SLC8B1: variants seen among roughly 807,000 people sequenced by gnomAD.
SLC8B1 encodes mitochondrial sodium/calcium exchanger protein.
SLC8B1 carries 52 observed loss-of-function variants against 63.4 expected under a neutral mutation model. The ratio of observed to expected loss-of-function variants is 0.82; its 90% CI spans 0.66 to 1.03. The LOEUF (loss-of-function observed/expected upper bound fraction) is 1.03, where lower values mean the gene tolerates loss of function less well. Ranked by LOEUF, SLC8B1 falls within the 50% of genes least tolerant of loss-of-function variation. The pLI is 0.00. For synonymous variants in SLC8B1, 336 were observed against 323.9 expected, an observed-to-expected ratio of 1.04 and a Z score of -0.40; for missense variants, 657 against 741.7, an observed-to-expected ratio of 0.89 and a Z score of 1.33.
At chr12:113,333,502 T>C (rs1449779600) in intron 1 of SLC8B1, among the ~76,000 whole-genome samples, 1 of 152,240 alleles carries the variant, frequency 6.6e-6, no homozygotes. Flanking sequence ...GACCTCATTC[T>C]ATCCTCACGA....
chr12:113,307,922 G>A (rs1387287366), intron 12 of SLC8B1, 78 bp from the exon 13 acceptor site: 5 of 1,530,916 alleles, frequency 3.3e-6, no homozygotes, highest in African/African-American at 2.7e-5. Context: ...CCTGTGAAAC[G>A]GGATGATAAC....
chr12:113,319,688 A>C (rs956428071), intron 7 of SLC8B1, among the ~76,000 whole-genome samples: 6 of 151,774 alleles, frequency 4.0e-5, no homozygotes, highest in African/African-American at 1.5e-4. Context: ...TTGTCCCTCC[A>C]TTCATACCCC....
chr12:113,306,418 C>CT, intron 14 of SLC8B1, 77 bp downstream of exon 14: 2 of 1,265,430 alleles, frequency 1.6e-6, no homozygotes, highest in Non-Finnish European at 2.2e-6. Flanking sequence ...AACCAATCCC[C>CT]AGGGTGGGGC....
chr12:113,306,411 C>A, intron 14 of SLC8B1, 84 bp downstream of exon 14: 4 of 1,220,446 alleles, frequency 3.3e-6, no homozygotes, highest in Non-Finnish European at 4.5e-6. Context: ...CACCGAGAAC[C>A]AATCCCCAGG....
chr12:113,306,066 C>CAAAAAAAAAAAAAAAAAA lies in SLC8B1; in HGVS notation c.1492+411_1492+428dup, dbSNP rs60824560. Among the ~76,000 whole-genome samples the CAAAAAAAAAAAAAAAAAA allele has an allele frequency of 2.2e-3, 39 of 18,100 alleles. 3 individuals carry two copies. The highest frequency in any genetic ancestry group is 3.8e-3 in the Non-Finnish European group (31 of 8,180). The allele number at this position is 18,100 out of a possible 152,430, so 11.9% of individuals were successfully genotyped here. On this transcript the variant is annotated intron_variant, in intron 14 of 15. Transcript: ENST00000680972. Reference sequence around the variant, plus strand: ...CGAGCCAGACTCCGTCCCCACCCTGCAAAAAAAAAAAAAAAAAAAAAAAAA... The same window carrying CAAAAAAAAAAAAAAAAAA: ...CGAGCCAGACTCCGTCCCCACCCTGCAAAAAAAAAAAAAAAAAAAAAAAAAAAAAAAAAAAAAAAAAAA...
chr12:113,318,944 G>A lies in SLC8B1; in HGVS notation c.802+20C>T. On this transcript the variant is annotated intron_variant, in intron 8 of 15. Coordinates refer to ENST00000680972, the MANE Select transcript of SLC8B1 (RefSeq NM_001358345.2). ...CCCAGTCCCCACTGGTCCTCTCTGG[G>A]GTCCGATGCAGACTCTTACCTGGAG... 1 of 1,604,384 alleles carries A rather than the reference G, an allele frequency of 6.2e-7. No individual in the cohort carries two copies. The highest frequency in any genetic ancestry group is 8.5e-7 in the Non-Finnish European group (1 of 1,171,406).
In SLC8B1 at chr12:113,332,789, C is replaced by A; in HGVS notation, c.90G>T (p.Ser30=). 6.2e-7 allele frequency: 1 copy of A among 1,614,186 alleles called. No individual in the cohort carries two copies. Among genetic ancestry groups the A allele is most frequent in the Non-Finnish European group, 8.5e-7 (1 of 1,180,040 alleles). ...GGGGGCTAATGTGAGCTCCTGTAGA[C>A]GAGCCCCTAGTCCCAGACACTGTCT... ...MAETVSGTRG[S]STGAHISPQF... Residue 30 remains serine, a synonymous_variant, in exon 2 of 16, where the codon TCG becomes TCT. Coordinates refer to ENST00000680972, the MANE Select transcript of SLC8B1 (RefSeq NM_001358345.2).
At chr12:113,300,378 G>A (rs901574581) in intron 15 of SLC8B1, among the ~76,000 whole-genome samples, 1 of 152,208 alleles carries the variant, frequency 6.6e-6, no homozygotes, top group African/African-American at 2.4e-5. Flanking sequence ...TGCTACTGGG[G>A]AGGCTGAGGC....
chr12:113,325,342 C>T (rs1010460525), intron 2 of SLC8B1, among the ~76,000 whole-genome samples: 1 of 152,226 alleles, frequency 6.6e-6, no homozygotes, highest in Non-Finnish European at 1.5e-5. Context: ...CAGCCTCGAA[C>T]TCCTGGGCGC....
At chr12:113,313,286 T>C (rs1007268839) in intron 11 of SLC8B1, among the ~76,000 whole-genome samples, 10 of 151,906 alleles carry the variant, frequency 6.6e-5, no homozygotes, top group Admixed American at 6.6e-4. Flanking sequence ...CAGTTTCCTA[T>C]TGATGCAGGT....
At chr12:113,303,141 A>ACACAAACACACG (rs773636454) in intron 15 of SLC8B1, among the ~76,000 whole-genome samples, 3 of 145,638 alleles carry the variant, frequency 2.1e-5, no homozygotes, top group African/African-American at 7.9e-5. Context: ...ACACACACAC[A>ACACAAACACACG]CGCGCGCGCA....
intron 11 of SLC8B1, among the ~76,000 whole-genome samples, chr12:113,311,531 G>A (rs2136836048): frequency 6.6e-6 from 1 of 151,828 alleles, no homozygotes; most frequent in South Asian, 2.1e-4. Flanking sequence ...GAAGTGGGAG[G>A]ATCACTTGAG....
At position 113,321,195 on chromosome 12, in the gene SLC8B1, C is replaced by G. The variant is rs755157031; in HGVS notation, c.309+1G>C. On this transcript the variant is annotated splice_donor_variant, in intron 3 of 15. Transcript: ENST00000680972. LOFTEE classifies it high-confidence loss of function. ...ACCAGCCCCCCAGGGCAGGGCCTCA[C>G]GTAGAGAGTGACAGCCAGAGGGAGG... 2 of 1,614,030 alleles carry G rather than the reference C, an allele frequency of 1.2e-6. No individual in the cohort carries two copies. Among genetic ancestry groups the G allele is most frequent in the Non-Finnish European group, 1.7e-6 (2 of 1,179,940 alleles).
chr12:113,314,668 C>A (rs756455240), intron 11 of SLC8B1, among the ~76,000 whole-genome samples: 83 of 152,270 alleles, frequency 5.5e-4, no homozygotes, highest in Non-Finnish European at 1.0e-3. Flanking sequence ...CCACAGGCAC[C>A]CCATAGGGGG....
At chr12:113,319,229 TC>T in intron 7 of SLC8B1, 158 bp from the exon 8 acceptor site, 1 of 609,692 alleles carries the variant, frequency 1.6e-6, no homozygotes, top group Non-Finnish European at 3.0e-6. Context: ...AGCTCCCCAC[TC>T]CTTCCTCCTG....
At chr12:113,327,939 T>C (rs1385697325) in intron 2 of SLC8B1, among the ~76,000 whole-genome samples, 2 of 143,746 alleles carry the variant, frequency 1.4e-5, no homozygotes, top group Non-Finnish European at 3.0e-5. Context: ...GATTGCACCA[T>C]TGCACTCCAG....
rs545250943 is a variant in SLC8B1, at chr12:113,333,657, C to T, written c.-82-697G>A. Among the ~76,000 whole-genome samples the T allele has an allele frequency of 2.0e-5, 3 of 149,766 alleles. No homozygotes were observed. The South Asian group carries it at 6.7e-4, about 34-fold the overall frequency. ...CAATTCTGGAAATGTCACCCCCCCG[C>T]CCCCCACCCCACCCTGCACAGCAGG... On this transcript the variant is annotated intron_variant, in intron 1 of 15. Transcript: ENST00000680972.
At chr12:113,301,120 A>G (rs1268770461) in intron 15 of SLC8B1, among the ~76,000 whole-genome samples, 3 of 152,152 alleles carry the variant, frequency 2.0e-5, no homozygotes, top group Admixed American at 1.3e-4. Context: ...TGGGTGACAG[A>G]GCAAAACTCC....
chr12:113,324,589 T>C (rs186741581), intron 2 of SLC8B1, among the ~76,000 whole-genome samples: 115 of 151,758 alleles, frequency 7.6e-4, no homozygotes, highest in African/African-American at 2.1e-3. Context: ...GTATTTTTAG[T>C]AGAAATGGGG....
Sources: allele counts gnomAD v4.1 joint callset (sites outside exome capture counted in the v4.1 genomes callset), GRCh38; gene constraint gnomAD v4.1.1; transcripts MANE v1.5; gene names NCBI Gene and HGNC (gene_info 2026-07-23, HGNC 2026-07-21).